Variants in KMT2C observed in about 807,000 individuals in gnomAD.
KMT2C encodes lysine methyltransferase 2C, also known as histone-lysine N-methyltransferase 2C.
KMT2C carries 88 observed loss-of-function variants against 507.9 expected under a neutral mutation model. That is an observed-to-expected ratio of 0.17 (90% CI 0.15 to 0.21). The LOEUF (loss-of-function observed/expected upper bound fraction) is 0.21. Ranked by LOEUF, KMT2C falls within the 10% of genes least tolerant of loss-of-function variation. The pLI, the probability that KMT2C is intolerant of heterozygous loss-of-function variation, is 1.00. For synonymous variants in KMT2C, 2,049 were observed against 2,080.8 expected, an observed-to-expected ratio of 0.98 and a Z score of 0.42; for missense variants, 4,954 against 5,957.8, an observed-to-expected ratio of 0.83 and a Z score of 5.55.
rs1422109550 is a variant in KMT2C, at chr7:152,144,704, T to C, written c.14343+9A>G. ...CTCTCCACTTCCTGTACACAAAGTATTTCTTCACCTGAATCCGAGACCGTG... is the reference window on the plus strand; with the variant it reads ...CTCTCCACTTCCTGTACACAAAGTACTTCTTCACCTGAATCCGAGACCGTG... On this transcript the variant is annotated intron_variant, in intron 55 of 58. Transcript: ENST00000262189. This position sits in a 1 kb window ranked among gnomAD's most constrained non-coding sequence, Gnocchi z 4.4. The C allele has an allele frequency of 2.5e-6, 4 of 1,611,578 alleles. No homozygotes were observed. The highest frequency in any genetic ancestry group is 3.4e-6 in the Non-Finnish European group (4 of 1,178,080).
intron 27 of KMT2C, among the ~76,000 whole-genome samples, chr7:152,196,774 A>G (rs1423078363): frequency 6.6e-6 from 1 of 152,204 alleles, no homozygotes; most frequent in African/African-American, 2.4e-5. Context: ...ACTGAGCATA[A>G]AACTAAATGA....
chr7:152,330,543 C>A lies in KMT2C; in HGVS notation c.389+58G>T. 2.0e-6 allele frequency: 3 copies of A among 1,524,156 alleles called. No individual in the cohort carries two copies. The South Asian group carries it at 3.4e-5, about 17-fold the overall frequency. The allele number at this position is 1,524,156 out of a possible 1,614,324, so 94.4% of individuals were successfully genotyped here. A position where few individuals can be genotyped will look rare whatever the true frequency, so the allele number is the denominator to read the frequency against. ...ATACTCCTTGAATTTTCTCTATAGT[C>A]ATTTCACTGCTTTATTCCTGTCACT... On this transcript the variant is annotated intron_variant, in intron 3 of 58. Transcript: ENST00000262189.
chr7:152,252,947 G>A lies in KMT2C; in HGVS notation c.1300-232C>T, dbSNP rs11531525. On this transcript the variant is annotated intron_variant, in intron 9 of 58. Transcript: ENST00000262189. ...GGCTCACTGCAACCTCTGCCTCCTG[G>A]GTTCAAGTGATTCTCTCCTGCCTCA... 3.7e-3 allele frequency among the ~76,000 whole-genome samples: 563 copies of A among 152,010 alleles called. 6 individuals carry two copies. The East Asian group carries it at 0.041, about 11-fold the overall frequency.
intron 53 of KMT2C, among the ~76,000 whole-genome samples, chr7:152,145,624 A>G (rs192811127): frequency 2.0e-5 from 3 of 152,286 alleles, no homozygotes; most frequent in Admixed American, 2.0e-4. Flanking sequence ...ATACCCACAA[A>G]CACAGGGCAT....
chr7:152,234,624 G>C (rs895838692), intron 16 of KMT2C, among the ~76,000 whole-genome samples: 3 of 152,098 alleles, frequency 2.0e-5, no homozygotes, highest in African/African-American at 7.2e-5. Context: ...TACAGGCTGG[G>C]GCATGGTGAC....
intron 9 of KMT2C, among the ~76,000 whole-genome samples, chr7:152,260,195 T>C (rs1353777698): frequency 2.0e-5 from 3 of 152,210 alleles, no homozygotes; most frequent in East Asian, 1.9e-4. Flanking sequence ...CACCACACTA[T>C]AGTCCCTTCA....
intron 34 of KMT2C, among the ~76,000 whole-genome samples, chr7:152,184,555 A>C (rs891556390): frequency 6.6e-6 from 1 of 152,202 alleles, no homozygotes; most frequent in African/African-American, 2.4e-5. Context: ...CAAGATGCAC[A>C]AAGATTCTCT....
At chr7:152,256,881 A>G (rs1429981250) in intron 9 of KMT2C, among the ~76,000 whole-genome samples, 1 of 152,214 alleles carries the variant, frequency 6.6e-6, no homozygotes, top group Admixed American at 6.5e-5. Context: ...AGACGTAAGA[A>G]AAGTTCTCTC....
chr7:152,197,443 A>C lies in KMT2C; in HGVS notation c.4274-1432T>G, dbSNP rs1470299774. Among the ~76,000 whole-genome samples, 3 of 152,220 alleles carry C rather than the reference A, an allele frequency of 2.0e-5. No individual in the cohort carries two copies. The East Asian group carries it at 5.8e-4, about 29-fold the overall frequency. ...TCCAGGTCAAATACTTCTGTCAAAC[A>C]GTCTTGGTCCCATTATATAGTTTTC... On this transcript the variant is annotated intron_variant, in intron 27 of 58. Transcript: ENST00000262189.
rs371650734 is a variant in KMT2C, at chr7:152,151,554, T to C, written c.12554A>G (p.His4185Arg). 18 of 1,613,978 alleles carry C rather than the reference T, an allele frequency of 1.1e-5. No individual in the cohort carries two copies. The highest frequency in any genetic ancestry group is 6.7e-5 in the African/African-American group (5 of 74,950). ...GAGTGCTGCGCTTTCTGCAATACCATGACTAGAATCCTTATATCCAGAAAG... is the reference window on the plus strand; with the variant it reads ...GAGTGCTGCGCTTTCTGCAATACCACGACTAGAATCCTTATATCCAGAAAG... ...NGLSGYKDSS[H>R]GIAESAALRP... The change falls in exon 50 of 59, where the codon CAT becomes CGT. Residue 4185 changes from histidine (H) to arginine (R), a missense_variant. His to Arg is a conservative substitution (Grantham distance 29, BLOSUM62 0). Around this residue, in one of 29 missense-constraint regions of KMT2C, gnomAD observed 417 missense variants for 461.1 expected, o/e 0.90. Transcript: ENST00000262189.
rs2093278289 is a variant in KMT2C at position 152,178,014 on chromosome 7, T to TA, written c.7443-5_7443-4insT. ...ACTACCTCCTGGAAATCCAAATCTTTTAAAAAAAAAAAAAAAAAAAAAAAA... is the reference window on the plus strand; with the variant it reads ...ACTACCTCCTGGAAATCCAAATCTTTATAAAAAAAAAAAAAAAAAAAAAAAA... On this transcript the variant is annotated splice_polypyrimidine_tract_variant and splice_region_variant and intron_variant, in intron 37 of 58. Coordinates refer to ENST00000262189, the MANE Select transcript of KMT2C (RefSeq NM_170606.3). The TA allele has an allele frequency of 3.3e-5, 37 of 1,129,656 alleles. No individual in the cohort carries two copies. The highest frequency in any genetic ancestry group is 2.7e-4 in the South Asian group (7 of 26,134). 70.0% of individuals were successfully genotyped at this position (1,129,656 alleles called of 1,614,324 possible).
chr7:152,232,012 T>C (rs1054228327), intron 16 of KMT2C, among the ~76,000 whole-genome samples: 2 of 152,034 alleles, frequency 1.3e-5, no homozygotes, highest in African/African-American at 4.8e-5. Context: ...CCCGAGTAGC[T>C]GGGACTACAG....
chr7:152,153,160 T>C (rs2091778797), intron 48 of KMT2C, among the ~76,000 whole-genome samples: 1 of 152,048 alleles, frequency 6.6e-6, no homozygotes, highest in South Asian at 2.1e-4. Flanking sequence ...TAAACAGAAA[T>C]CCTCATAAAG....
chr7:152,147,707 CA>C (rs762588729), intron 52 of KMT2C, among the ~76,000 whole-genome samples: 510 of 46,730 alleles, frequency 0.011, no homozygotes, highest in Non-Finnish European at 0.012. Context: ...AACTCCGTCT[CA>C]AAAAAAAAAA....
chr7:152,169,682 C>G (rs1236399222), intron 40 of KMT2C, among the ~76,000 whole-genome samples: 1 of 152,058 alleles, frequency 6.6e-6, no homozygotes, highest in Non-Finnish European at 1.5e-5. Flanking sequence ...AAACTAATGT[C>G]TCTAACATGC....
rs376608162 is a variant in KMT2C at position 152,250,950 on chromosome 7, C to T, written c.1638G>A (p.Met546Ile). 2.0e-5 allele frequency: 32 copies of T among 1,591,738 alleles called. No homozygotes were observed. The highest frequency in any genetic ancestry group is 2.4e-5 in the Non-Finnish European group (28 of 1,159,980). The stretch of plus-strand genomic sequence containing the variant: ...TTTGATCTTCAGGGCCTTCAACTTC[C>T]ATTTCATTGTTATAATCTTAACAAA... ...AELTTDYNNEMEVEGPEDQMV... is the reference protein window; with the variant it reads ...AELTTDYNNEIEVEGPEDQMV... The change falls in exon 12 of 59, where the codon ATG becomes ATA. Residue 546 changes from methionine to isoleucine, a missense_variant. Transcript: ENST00000262189.
intron 6 of KMT2C, among the ~76,000 whole-genome samples, chr7:152,299,344 A>AAAT (rs2096545412): frequency 6.6e-6 from 1 of 151,362 alleles, no homozygotes; most frequent in African/African-American, 2.4e-5. Flanking sequence ...ATAAATAAAT[A>AAAT]AATAAATAAA....
intron 6 of KMT2C, among the ~76,000 whole-genome samples, chr7:152,297,053 G>GAAAGAAAGAAAGAAAGAA (rs1554622595): frequency 6.1e-5 from 5 of 81,476 alleles, no homozygotes; most frequent in East Asian, 8.0e-4. Flanking sequence ...AAGAAAGAAA[G>GAAAGAAAGAAAGAAAGAA]ACAGAGAGAG....
chr7:152,277,790 A>G (rs2096112126), intron 6 of KMT2C, among the ~76,000 whole-genome samples: 1 of 152,194 alleles, frequency 6.6e-6, no homozygotes, highest in Non-Finnish European at 1.5e-5. Context: ...TTATTTTTCT[A>G]GGCCTATAAA....
Sources: gnomAD v4.1 joint callset for allele counts (sites outside exome capture counted in the v4.1 genomes callset) on GRCh38, gnomAD v4.1.1 for gene constraint, gnomAD v4.1.1 regional missense constraint, Gnocchi (gnomAD v3.1) non-coding constraint, MANE v1.5 for transcripts, NCBI Gene and HGNC (gene_info 2026-07-23, HGNC 2026-07-21) for gene names.